Variants in CTR9 observed in about 807,000 individuals in gnomAD.
CTR9 encodes RNA polymerase-associated protein CTR9 homolog.
In CTR9, 41 loss-of-function variants were observed where a neutral mutation model predicts 152.1. That is an observed-to-expected ratio of 0.27 (90% CI 0.21 to 0.35). The LOEUF is 0.35. CTR9 is among the 10% of genes least tolerant of loss of function. The pLI is 1.00. For missense variants in CTR9, 917 were observed against 1,424.4 expected (o/e 0.64, Z 5.73); for synonymous variants, 476 against 496.2 (o/e 0.96, Z 0.54).
At chr11:10,776,479 AT>A (rs1267010967) in intron 24 of CTR9, among the ~76,000 whole-genome samples, 1 of 152,092 alleles carries the variant, frequency 6.6e-6, no homozygotes, top group African/African-American at 2.4e-5. Context: ...CCCCATTTGG[AT>A]TTCTCAACCA....
rs1345642722 is a variant in CTR9, at chr11:10,766,507, C to G, written c.1686+17C>G. ...ATTAATCAGGTTGGTAATATTAACT[C>G]TTAGGTTTGAGAAATAATTATTTTC... On this transcript the variant is annotated intron_variant, in intron 13 of 24. Transcript: ENST00000361367. 2 of 1,514,418 alleles carry G rather than the reference C, an allele frequency of 1.3e-6. No individual in the cohort carries two copies. The highest frequency in any genetic ancestry group is 1.4e-5 in the African/African-American group (1 of 71,000). 93.8% of individuals were successfully genotyped at this position (1,514,418 alleles called of 1,614,324 possible). A position where few individuals can be genotyped will look rare whatever the true frequency, so the allele number is the denominator to read the frequency against.
intron 16 of CTR9, among the ~76,000 whole-genome samples, chr11:10,769,884 C>T (rs1233125888): frequency 1.3e-5 from 2 of 152,104 alleles, no homozygotes; most frequent in Non-Finnish European, 2.9e-5. Context: ...CATCAGTGGT[C>T]AATAAGCTGA....
intron 12 of CTR9, 61 bp downstream of exon 12, chr11:10,764,792 A>G (rs940487753): frequency 1.4e-6 from 2 of 1,412,694 alleles, no homozygotes; most frequent in African/African-American, 2.9e-5. Flanking sequence ...AGCAGCAAAA[A>G]TTTAGCCTGA....
chr11:10,759,666 A>G (rs575844906), intron 5 of CTR9, among the ~76,000 whole-genome samples: 61 of 152,362 alleles, frequency 4.0e-4, no homozygotes, highest in African/African-American at 1.3e-3. Context: ...TTGCTGGAGC[A>G]GTATTCTTAA....
At position 10,762,111 on chromosome 11, in the gene CTR9, T is replaced by G. The variant is rs1862987772; in HGVS notation, c.849+57T>G. 3 of 993,956 alleles carry G rather than the reference T, an allele frequency of 3.0e-6. No individual in the cohort carries two copies. In the South Asian group the frequency reaches 4.5e-5, roughly 15 times the overall value. The allele number at this position is 993,956 out of a possible 1,614,324, so 61.6% of individuals were successfully genotyped here. On this transcript the variant is annotated intron_variant, in intron 7 of 24. Coordinates refer to ENST00000361367, the MANE Select transcript of CTR9 (RefSeq NM_014633.5). Reference sequence around the variant, plus strand: ...TTGTTTTTCTGTACTGCAATTGATATTTTATTTCTTTTTTAAACTTGGAAA... The same window carrying G: ...TTGTTTTTCTGTACTGCAATTGATAGTTTATTTCTTTTTTAAACTTGGAAA...
chr11:10,774,291 G>A, intron 22 of CTR9, 122 bp downstream of exon 22: 3 of 1,213,032 alleles, frequency 2.5e-6, no homozygotes, highest in Non-Finnish European at 3.4e-6. Context: ...AGCTTTTTGT[G>A]CCCCCACTTC....
At chr11:10,765,059 G>C (rs1245074791) in intron 12 of CTR9, among the ~76,000 whole-genome samples, 1 of 152,148 alleles carries the variant, frequency 6.6e-6, no homozygotes, top group East Asian at 1.9e-4. Flanking sequence ...GATTTCATAT[G>C]AACATTCTTA....
intron 7 of CTR9, 105 bp from the exon 8 acceptor site, chr11:10,763,326 G>A: frequency 1.3e-6 from 1 of 756,640 alleles, no homozygotes; most frequent in South Asian, 1.6e-5. Flanking sequence ...TTATGAAGAA[G>A]ATGGAAATGT....
intron 5 of CTR9, 139 bp downstream of exon 5, chr11:10,756,977 CTA>C (rs1862895099): frequency 1.5e-6 from 1 of 686,790 alleles, no homozygotes; most frequent in South Asian, 1.7e-5. Flanking sequence ...TTTTTTGATG[CTA>C]TGTTTGAGTC....
At chr11:10,761,664 G>A (rs1164849871) in intron 6 of CTR9, among the ~76,000 whole-genome samples, 2 of 152,032 alleles carry the variant, frequency 1.3e-5, no homozygotes, top group African/African-American at 4.8e-5. Flanking sequence ...CTTTGTGGGA[G>A]AAGTAGGGGC....
At chr11:10,761,752 CA>C (rs1398808381) in intron 6 of CTR9, among the ~76,000 whole-genome samples, 194 bp from the exon 7 acceptor site, 2 of 151,714 alleles carry the variant, frequency 1.3e-5, no homozygotes, top group Non-Finnish European at 2.9e-5. Context: ...AAGTGACACA[CA>C]AAAAAATTAA....
intron 1 of CTR9, among the ~76,000 whole-genome samples, chr11:10,752,174 C>A (rs767385373): frequency 6.6e-6 from 1 of 152,084 alleles, no homozygotes; most frequent in Non-Finnish European, 1.5e-5. Context: ...ATAGTCATTA[C>A]CTCTAATTCC....
intron 24 of CTR9, among the ~76,000 whole-genome samples, chr11:10,776,698 C>T (rs995113921): frequency 3.9e-5 from 6 of 152,124 alleles, no homozygotes; most frequent in African/African-American, 7.2e-5. Context: ...GTAGGCTGGG[C>T]GCAGTGGCTC....
At position 10,769,860 on chromosome 11, in the gene CTR9, G is replaced by A. The variant is rs76115146; in HGVS notation, c.2110-350G>A. ...TAGATGGTAAAACGCAAAGGACAAC[G>A]GTGTATGACTTCTCATCAGTGGTCA... On this transcript the variant is annotated intron_variant, in intron 16 of 24. Coordinates refer to ENST00000361367, the MANE Select transcript of CTR9 (RefSeq NM_014633.5). Among the ~76,000 whole-genome samples, 1,149 of 151,962 alleles carry A rather than the reference G, an allele frequency of 7.6e-3. 17 individuals are homozygous for A. The highest frequency in any genetic ancestry group is 0.026 in the African/African-American group (1,096 of 41,410).
Position 10,774,035 on chromosome 11 carries a change from T to A in CTR9, c.2751T>A (p.Phe917Leu). ...AGCGTTCTAAGAAGGGAGGAGAGTT[T>A]GATGAATTTGTCAATGATGACACTG... ...GGRRSKKGGE[F>L]DEFVNDDTDD... The change falls in exon 22 of 25, where the codon TTT becomes TTA. Residue 917 changes from phenylalanine (F) to leucine (L), a missense_variant. By Grantham distance (22) the Phe-to-Leu change is conservative. Coordinates refer to ENST00000361367, the MANE Select transcript of CTR9 (RefSeq NM_014633.5). 1 of 1,612,344 alleles carries A rather than the reference T, an allele frequency of 6.2e-7. No individual in the cohort carries two copies.
chr11:10,775,778 T>C (rs1427353721), intron 24 of CTR9, 145 bp downstream of exon 24: 6 of 523,880 alleles, frequency 1.1e-5, no homozygotes, highest in Non-Finnish European at 1.9e-5. Flanking sequence ...GACTTGAAAA[T>C]TGGAGGAAAT....
At chr11:10,775,714 G>T in intron 24 of CTR9, 81 bp downstream of exon 24, 2 of 864,428 alleles carry the variant, frequency 2.3e-6, no homozygotes, top group Non-Finnish European at 3.5e-6. Context: ...TCTGTACTAA[G>T]AAAAATATAC....
chr11:10,751,585 C>T (rs1452301457), intron 1 of CTR9, 128 bp downstream of exon 1: 1 of 899,124 alleles, frequency 1.1e-6, no homozygotes, highest in Non-Finnish European at 1.7e-6. Flanking sequence ...AAATACCTGG[C>T]CAAGGTCTGA....
At chr11:10,764,274 C>CT in intron 10 of CTR9, 34 bp from the exon 11 acceptor site, 1 of 1,613,806 alleles carries the variant, frequency 6.2e-7, no homozygotes, top group Non-Finnish European at 8.5e-7. Flanking sequence ...CTCTCTTCCA[C>CT]TTACACCTTT....
Sources: allele counts gnomAD v4.1 joint callset (sites outside exome capture counted in the v4.1 genomes callset), GRCh38; gene constraint gnomAD v4.1.1; transcripts MANE v1.5; gene names NCBI Gene and HGNC (gene_info 2026-07-23, HGNC 2026-07-21).